Variants in CEACAM7 observed in about 807,000 individuals in gnomAD.
The protein encoded by CEACAM7 is cell adhesion molecule CEACAM7.
Under a neutral mutation model 25.7 loss-of-function variants are expected in CEACAM7, and 24 were observed. The ratio of observed to expected loss-of-function variants is 0.93; its 90% CI spans 0.68 to 1.31. CEACAM7 has a LOEUF of 1.31. CEACAM7 is among the 40% of genes most tolerant of loss of function. The probability of loss-of-function intolerance (pLI) is 0.00; values close to 1 mark genes in which losing one functional copy is unlikely to be tolerated. For synonymous variants in CEACAM7, 144 were observed against 129.4 expected (o/e 1.11, Z -0.77); for missense variants, 324 against 330.1 (o/e 0.98, Z 0.14).
At chr19:41,677,599 T>C in intron 3 of CEACAM7, 96 bp from the exon 4 acceptor site, 1 of 816,908 alleles carries the variant, frequency 1.2e-6, no homozygotes. Flanking sequence ...TTTCTATTTG[T>C]TCCTTCAAGG....
At chr19:41,687,834 A>G (rs1427343868) in intron 1 of CEACAM7, among the ~76,000 whole-genome samples, 2 of 152,258 alleles carry the variant, frequency 1.3e-5, no homozygotes, top group Admixed American at 6.5e-5. Flanking sequence ...GAAGCGTCAC[A>G]TGATATAGTT....
Position 41,683,917 on chromosome 19 carries a change from G to A in CEACAM7, c.574C>T (p.Leu192=). The A allele has an allele frequency of 6.2e-7, 1 of 1,614,228 alleles. No homozygotes were observed. The highest frequency in any genetic ancestry group is 8.5e-7 in the Non-Finnish European group (1 of 1,180,038). Residue 192 remains leucine (L), a synonymous_variant, in exon 3 of 5, where the codon CTG becomes TTG. Transcript: ENST00000401731. ...GTCCTGTTGTCAGTGGAGAGCAGCA[G>A]CCTGGGACTGACCAGGAGGCTCTGA... ...NNQSLLVSPR[L]LLSTDNRTLV...
intron 3 of CEACAM7, 121 bp downstream of exon 3, chr19:41,683,664 G>A (rs2072197163): frequency 6.9e-7 from 1 of 1,441,340 alleles, no homozygotes; most frequent in Non-Finnish European, 9.5e-7. Flanking sequence ...GTCATGGCCA[G>A]CCTGGGTGCC....
intron 3 of CEACAM7, among the ~76,000 whole-genome samples, chr19:41,679,827 A>T (rs2072155174): frequency 1.7e-5 from 2 of 115,362 alleles, no homozygotes; most frequent in East Asian, 2.4e-4. Flanking sequence ...TTTGAGACAG[A>T]GTCTCATTTT....
chr19:41,677,025 G>C (rs2072120576), intron 4 of CEACAM7, among the ~76,000 whole-genome samples: 1 of 152,204 alleles, frequency 6.6e-6, no homozygotes, highest in African/African-American at 2.4e-5. Context: ...ATTCAGACTA[G>C]AGAAAAGAAG....
At chr19:41,681,660 A>T (rs558871497) in intron 3 of CEACAM7, among the ~76,000 whole-genome samples, 4 of 152,340 alleles carry the variant, frequency 2.6e-5, no homozygotes, top group East Asian at 3.9e-4. Flanking sequence ...TCAAATTCTG[A>T]TACATACTAC....
chr19:41,684,069 C>A lies in CEACAM7; in HGVS notation c.428-6G>T. 1 of 1,611,420 alleles carries A rather than the reference C, an allele frequency of 6.2e-7. No homozygotes were observed. On this transcript the variant is annotated splice_region_variant and splice_polypyrimidine_tract_variant and intron_variant, in intron 2 of 4. Coordinates refer to ENST00000401731, the MANE Select transcript of CEACAM7 (RefSeq NM_001291485.2). ...GGAGGGCTTGGGTGGCTCCGCTGTG[C>A]AGATAAGAGAGAGAAAAGATTGCCC... is the stretch of plus-strand genomic sequence containing the variant.
intron 2 of CEACAM7, among the ~76,000 whole-genome samples, chr19:41,684,767 T>C (rs1238935054): frequency 6.6e-6 from 1 of 152,034 alleles, no homozygotes; most frequent in Non-Finnish European, 1.5e-5. Flanking sequence ...GAAGACAAAT[T>C]AGGAGAAGAG....
rs1367348972 is a variant in CEACAM7, at chr19:41,673,373, T to G, written c.*1403A>C. On this transcript the variant is annotated 3_prime_UTR_variant, in exon 5 of 5. Coordinates refer to ENST00000401731, the MANE Select transcript of CEACAM7 (RefSeq NM_001291485.2). ...GTTTCCATTCTGCAAAATATAGTGA[T>G]AGCTCCTACTGGGCAATACAACAGT... is the stretch of plus-strand genomic sequence containing the variant. 6.6e-6 allele frequency: 1 copy of G among 152,220 alleles called. No individual in the cohort carries two copies. The highest frequency in any genetic ancestry group is 2.4e-5 in the African/African-American group (1 of 41,452). The allele number at this position is 152,220 out of a possible 1,614,324, so 9.4% of individuals were successfully genotyped here.
At chr19:41,676,243 A>C (rs1555810088) in intron 4 of CEACAM7, among the ~76,000 whole-genome samples, 1 of 152,226 alleles carries the variant, frequency 6.6e-6, no homozygotes, top group East Asian at 1.9e-4. Flanking sequence ...CAGAGCCTGG[A>C]AATCAGTTGT....
intron 3 of CEACAM7, among the ~76,000 whole-genome samples, chr19:41,680,581 T>A (rs2072164757): frequency 1.3e-5 from 2 of 152,146 alleles, no homozygotes; most frequent in Non-Finnish European, 2.9e-5. Context: ...TGGAATAGAA[T>A]GGAGAGCCCA....
chr19:41,676,100 C>A (rs1186419722), intron 4 of CEACAM7, among the ~76,000 whole-genome samples: 1 of 152,182 alleles, frequency 6.6e-6, no homozygotes, highest in African/African-American at 2.4e-5. Context: ...TAGCTACAAA[C>A]CATTGATTTA....
intron 3 of CEACAM7, among the ~76,000 whole-genome samples, chr19:41,680,002 T>G: frequency 2.7e-5 from 3 of 109,730 alleles, no homozygotes; most frequent in Non-Finnish European, 3.7e-5. Flanking sequence ...TTTTTTTTAG[T>G]AGAGACAGGG....
At chr19:41,686,342 G>A (rs1008564294) in intron 2 of CEACAM7, among the ~76,000 whole-genome samples, 52 of 152,112 alleles carry the variant, frequency 3.4e-4, no homozygotes, top group African/African-American at 1.3e-3. Flanking sequence ...GGGTGACCAG[G>A]CTGGTGACCA....
Position 41,688,073 on chromosome 19 carries a change from C to T in CEACAM7, c.64+29G>A, listed in dbSNP as rs782419807. ...CAGCCAGTCTCTCTGGCCCTCCTCC[C>T]ACCCACTCCCAGGAAGTCCTCCCCT... On this transcript the variant is annotated intron_variant, in intron 1 of 4. Coordinates refer to ENST00000401731, the MANE Select transcript of CEACAM7 (RefSeq NM_001291485.2). 43 of 1,598,474 alleles carry T rather than the reference C, an allele frequency of 2.7e-5. No individual in the cohort carries two copies. The East Asian group carries it at 8.6e-4, about 32-fold the overall frequency.
At position 41,674,598 on chromosome 19, in the gene CEACAM7, T is replaced by C; in HGVS notation, c.*178A>G. On this transcript the variant is annotated 3_prime_UTR_variant, in exon 5 of 5. Transcript: ENST00000401731. Reference sequence around the variant, plus strand: ...TGGTTAGCTCTGAGTGGCCCACATCTCAGGCATGAGGGTTTTTCCTTGAAA... The same window carrying C: ...TGGTTAGCTCTGAGTGGCCCACATCCCAGGCATGAGGGTTTTTCCTTGAAA... The C allele has an allele frequency of 3.0e-6, 1 of 332,946 alleles. No homozygotes were observed. Among genetic ancestry groups the C allele is most frequent in the South Asian group, 2.6e-5 (1 of 38,674 alleles). The allele number at this position is 332,946 out of a possible 1,614,324, so 20.6% of individuals were successfully genotyped here.
In CEACAM7 at chr19:41,673,808, AAG is replaced by A. The variant is rs2072087831; in HGVS notation, c.*966_*967del. 6.6e-6 allele frequency: 1 copy of A among 152,202 alleles called. No homozygotes were observed. The highest frequency in any genetic ancestry group is 2.4e-5 in the African/African-American group (1 of 41,446). 9.4% of individuals were successfully genotyped at this position (152,202 alleles called of 1,614,324 possible). ...ATTTGAGTTTTTGTCATTCCAGCCA[AAG>A]AGAGAATATTTGACATTTGACGAAT... is the stretch of plus-strand genomic sequence containing the variant. On this transcript the variant is annotated 3_prime_UTR_variant, in exon 5 of 5. Coordinates refer to ENST00000401731, the MANE Select transcript of CEACAM7 (RefSeq NM_001291485.2).
rs2072201363 is a variant in CEACAM7 at position 41,683,955 on chromosome 19, C to G, written c.536G>C (p.Trp179Ser). The change falls in exon 3 of 5, where the codon TGG (tryptophan) becomes TCG (serine). Residue 179 changes from tryptophan to serine, a missense_variant. Transcript: ENST00000401731. The stretch of plus-strand genomic sequence containing the variant: ...CAGGAGGCTCTGATTGTTTACCCAC[C>G]ACAGGTAGGTTGTGTTCTGAGTCTC... ...QPETQNTTYL[W>S]WVNNQSLLVS... 2 of 1,614,170 alleles carry G rather than the reference C, an allele frequency of 1.2e-6. No individual in the cohort carries two copies. Among genetic ancestry groups the G allele is most frequent in the Non-Finnish European group, 8.5e-7 (1 of 1,180,030 alleles).
intron 3 of CEACAM7, among the ~76,000 whole-genome samples, chr19:41,679,157 C>T (rs1279274295): frequency 6.6e-6 from 1 of 152,026 alleles, no homozygotes; most frequent in Non-Finnish European, 1.5e-5. Context: ...AGAAATTACT[C>T]AAATCAGAAA....
Sources: gnomAD v4.1 joint callset for allele counts (sites outside exome capture counted in the v4.1 genomes callset) on GRCh38, gnomAD v4.1.1 for gene constraint, MANE v1.5 for transcripts, NCBI Gene and HGNC (gene_info 2026-07-23, HGNC 2026-07-21) for gene names.